Variants in NUP54 observed in about 807,000 individuals in gnomAD.
NUP54 encodes nucleoporin 54, also known as nucleoporin p54.
Under a neutral mutation model 66.4 loss-of-function variants are expected in NUP54, and 27 were observed. That is an observed-to-expected ratio of 0.41 (90% CI 0.30 to 0.56). The LOEUF (loss-of-function observed/expected upper bound fraction) is 0.56. Among genes scored for constraint, NUP54 ranks in the 20% least tolerant of loss-of-function variants. The pLI is 0.34. For synonymous variants in NUP54, 206 were observed against 210.7 expected, an observed-to-expected ratio of 0.98 and a Z score of 0.19; for missense variants, 486 against 596.3, an observed-to-expected ratio of 0.82 and a Z score of 1.93.
chr4:76,119,686 T>C (rs1384873634), intron 9 of NUP54, among the ~76,000 whole-genome samples: 1 of 152,050 alleles, frequency 6.6e-6, no homozygotes, highest in Non-Finnish European at 1.5e-5. Flanking sequence ...CTGCTTCTCT[T>C]TCTTTCCAAT....
chr4:76,124,045 T>A (rs1730353786), intron 9 of NUP54, among the ~76,000 whole-genome samples: 1 of 152,164 alleles, frequency 6.6e-6, no homozygotes, highest in South Asian at 2.1e-4. Context: ...TCTTTTGGCT[T>A]ATCTTGATAT....
At chr4:76,146,625 G>A (rs1051225739) in intron 1 of NUP54, among the ~76,000 whole-genome samples, 1 of 152,168 alleles carries the variant, frequency 6.6e-6, no homozygotes, top group Non-Finnish European at 1.5e-5. Context: ...ATGGGCACAA[G>A]AGGCATAACG....
intron 8 of NUP54, among the ~76,000 whole-genome samples, chr4:76,125,453 G>C (rs1730440150): frequency 6.6e-6 from 1 of 151,326 alleles, no homozygotes; most frequent in African/African-American, 2.4e-5. Context: ...GGGCAAAATG[G>C]CAAGACCTTG....
In NUP54 at chr4:76,148,334, G is replaced by A. The variant is rs1731605316; in HGVS notation, c.41C>T (p.Thr14Ile). ...CGCGGGGGCCGCGGTGGCTGCAGCG[G>A]TACCGGAGGTGCCCGAGGGAGCCCC... Reference protein sequence around the residue: ...NFGAPSGTSGTAAATAAPAGG... With the variant: ...NFGAPSGTSGIAAATAAPAGG... The change falls in exon 1 of 12, where the codon ACC becomes ATC. Residue 14 changes from threonine to isoleucine, a missense_variant. Around this residue, in one of 4 missense-constraint regions of NUP54, gnomAD observed 145 missense variants for 137.1 expected, o/e 1.06. Coordinates refer to ENST00000264883, the MANE Select transcript of NUP54 (RefSeq NM_017426.4). 1.3e-6 allele frequency: 2 copies of A among 1,543,786 alleles called. No homozygotes were observed. Among genetic ancestry groups the A allele is most frequent in the South Asian group, 1.2e-5 (1 of 80,992 alleles).
chr4:76,123,598 C>T (rs745898332), intron 9 of NUP54, among the ~76,000 whole-genome samples: 6 of 151,916 alleles, frequency 3.9e-5, no homozygotes, highest in African/African-American at 7.3e-5. Flanking sequence ...CTGCAACCTC[C>T]GCCTCCCAGG....
intron 11 of NUP54, among the ~76,000 whole-genome samples, chr4:76,116,103 C>T (rs986885051): frequency 6.6e-6 from 1 of 152,150 alleles, no homozygotes; most frequent in Non-Finnish European, 1.5e-5. Flanking sequence ...ATGATTCAAT[C>T]CCAAAACAAT....
rs1191304121 is a variant in NUP54 at position 76,135,598 on chromosome 4, A to AC, written c.522+587dup. Among the ~76,000 whole-genome samples the AC allele has an allele frequency of 7.2e-5, 11 of 152,336 alleles. No homozygotes were observed. In the East Asian group the frequency reaches 1.9e-3, roughly 27 times the overall value. ...TGTACATATTGATTAGGTTTAAGAG[A>AC]CCAACGTAGGCCAATATAACTCCTA... On this transcript the variant is annotated intron_variant, in intron 4 of 11. Transcript: ENST00000264883.
At position 76,148,396 on chromosome 4, in the gene NUP54, G is replaced by A. The variant is rs575034916; in HGVS notation, c.-22C>T. On this transcript the variant is annotated 5_prime_UTR_variant, in exon 1 of 12. Transcript: ENST00000264883. Reference sequence around the variant, plus strand: ...CCATGTCGCGAAAGCAGGAGACCAAGTAGGTTACTCCTGCGACGCGCAGCG... The same window carrying A: ...CCATGTCGCGAAAGCAGGAGACCAAATAGGTTACTCCTGCGACGCGCAGCG... 13 of 1,489,756 alleles carry A rather than the reference G, an allele frequency of 8.7e-6. No homozygotes were observed. The highest frequency in any genetic ancestry group is 7.1e-5 in the African/African-American group (5 of 70,302). The allele number at this position is 1,489,756 out of a possible 1,614,324, so 92.3% of individuals were successfully genotyped here. A position where few individuals can be genotyped will look rare whatever the true frequency, so the allele number is the denominator to read the frequency against.
At chr4:76,147,167 C>T (rs754188164) in intron 1 of NUP54, among the ~76,000 whole-genome samples, 133 of 152,250 alleles carry the variant, frequency 8.7e-4, no homozygotes, top group Non-Finnish European at 1.4e-3. Flanking sequence ...ATGGGCTTGA[C>T]TGGTGGTGAG....
In NUP54 at chr4:76,131,135, T is replaced by G; in HGVS notation, c.962+95A>C. The G allele has an allele frequency of 5.0e-6, 4 of 792,870 alleles. No homozygotes were observed. In the South Asian group the frequency reaches 6.2e-5, roughly 12 times the overall value. The allele number at this position is 792,870 out of a possible 1,614,324, so 49.1% of individuals were successfully genotyped here. A position where few individuals can be genotyped will look rare whatever the true frequency, so the allele number is the denominator to read the frequency against. On this transcript the variant is annotated intron_variant, in intron 7 of 11. Transcript: ENST00000264883. ...GGCCAGGAAAATGAAAATAAACTTG[T>G]CTCATATGTAAGAATTATAATTAAT...
chr4:76,139,621 C>T (rs1411497968), intron 3 of NUP54, among the ~76,000 whole-genome samples: 4 of 152,044 alleles, frequency 2.6e-5, no homozygotes, highest in Admixed American at 6.5e-5. Context: ...AATAAGAAAA[C>T]GCTTTTGAGA....
At position 76,140,941 on chromosome 4, in the gene NUP54, G is replaced by T. The variant is rs114998673; in HGVS notation, c.295+3208C>A. On this transcript the variant is annotated intron_variant, in intron 3 of 11. Coordinates refer to ENST00000264883, the MANE Select transcript of NUP54 (RefSeq NM_017426.4). ...CATGGAATCTAAGCTAGTTAGAGTAGTGAAGACAGAAAGAGCTAACAGAGC... is the reference window on the plus strand; with the variant it reads ...CATGGAATCTAAGCTAGTTAGAGTATTGAAGACAGAAAGAGCTAACAGAGC... 2.9e-3 allele frequency among the ~76,000 whole-genome samples: 435 copies of T among 152,326 alleles called. 2 individuals are homozygous for T. The highest frequency in any genetic ancestry group is 0.01 in the African/African-American group (416 of 41,570).
intron 8 of NUP54, among the ~76,000 whole-genome samples, chr4:76,129,485 A>T (rs1238000037): frequency 6.6e-6 from 1 of 152,214 alleles, no homozygotes; most frequent in Admixed American, 6.5e-5. Context: ...ACTATCAACC[A>T]ACTGGATCTC....
chr4:76,142,484 G>C (rs904442777), intron 3 of NUP54, among the ~76,000 whole-genome samples: 1 of 152,208 alleles, frequency 6.6e-6, no homozygotes, highest in African/African-American at 2.4e-5. Flanking sequence ...AAAGTGAAAA[G>C]AGCACTAGAA....
intron 8 of NUP54, 143 bp downstream of exon 8, chr4:76,130,513 T>C: frequency 1.8e-6 from 1 of 548,574 alleles, no homozygotes; most frequent in South Asian, 2.9e-5. Flanking sequence ...AAGAAGGTAG[T>C]TGTATAAAAC....
chr4:76,147,794 G>A (rs1731568863), intron 1 of NUP54: 3 of 433,634 alleles, frequency 6.9e-6, no homozygotes, highest in Non-Finnish European at 1.2e-5. Context: ...GCAGAGTGGG[G>A]GTGGGGTGGG....
Position 76,115,200 on chromosome 4 carries a change from CTA to C in NUP54, c.*164_*165del. On this transcript the variant is annotated 3_prime_UTR_variant, in exon 12 of 12. Coordinates refer to ENST00000264883, the MANE Select transcript of NUP54 (RefSeq NM_017426.4). ...TTTTCTTTGAAGAGCTGTGAGGTGACTATTTCAGATTTGATGAACAGTAATTT... is the reference window on the plus strand; with the variant it reads ...TTTTCTTTGAAGAGCTGTGAGGTGACTTTCAGATTTGATGAACAGTAATTT... 2.0e-6 allele frequency: 1 copy of C among 500,046 alleles called. No homozygotes were observed. Among genetic ancestry groups the C allele is most frequent in the East Asian group, 3.5e-5 (1 of 28,656 alleles). The allele number at this position is 500,046 out of a possible 1,614,324, so 31.0% of individuals were successfully genotyped here. A position where few individuals can be genotyped will look rare whatever the true frequency, so the allele number is the denominator to read the frequency against.
Position 76,136,294 on chromosome 4 carries a change from C to T in NUP54, c.414G>A (p.Leu138=). The T allele has an allele frequency of 6.2e-7, 1 of 1,614,020 alleles. No individual in the cohort carries two copies. Among genetic ancestry groups the T allele is most frequent in the South Asian group, 1.1e-5 (1 of 91,066 alleles). ...AGGCCTGCAGTTGATTCCATTTTGC[C>T]AAAATAGCATCTCTCTCATCTCCCA... The part of the protein sequence containing the change: ...TLLGDERDAI[L]AKWNQLQAFW... Residue 138 remains leucine, a synonymous_variant, in exon 4 of 12, where the codon TTG becomes TTA. Coordinates refer to ENST00000264883, the MANE Select transcript of NUP54 (RefSeq NM_017426.4).
intron 3 of NUP54, among the ~76,000 whole-genome samples, chr4:76,137,343 G>A (rs1731080119): frequency 6.6e-6 from 1 of 151,956 alleles, no homozygotes; most frequent in Admixed American, 6.6e-5. Flanking sequence ...ACACAGATTG[G>A]GTCCACAATA....
Sources: gnomAD v4.1 joint callset for allele counts (sites outside exome capture counted in the v4.1 genomes callset) on GRCh38, gnomAD v4.1.1 for gene constraint, gnomAD v4.1.1 regional missense constraint, MANE v1.5 for transcripts, NCBI Gene and HGNC (gene_info 2026-07-23, HGNC 2026-07-21) for gene names.